Variants in GRIN2B observed in about 807,000 individuals in gnomAD.
The protein encoded by GRIN2B is glutamate ionotropic receptor NMDA type subunit 2B.
GRIN2B carries 5 observed loss-of-function variants against 114.5 expected under a neutral mutation model. The ratio of observed to expected loss-of-function variants is 0.04; its 90% CI spans 0.02 to 0.09. The LOEUF (loss-of-function observed/expected upper bound fraction) is 0.09, where lower values mean the gene tolerates loss of function less well. GRIN2B is among the 10% of genes least tolerant of loss of function. GRIN2B has a pLI of 1.00. For missense variants in GRIN2B, 1,108 were observed against 1,943.5 expected, an observed-to-expected ratio of 0.57 and a Z score of 8.08; for synonymous variants, 787 against 745.1, an observed-to-expected ratio of 1.06 and a Z score of -0.92.
intron 2 of GRIN2B, among the ~76,000 whole-genome samples, chr12:13,932,545 C>G (rs1389372578): frequency 6.6e-6 from 1 of 152,204 alleles, no homozygotes; most frequent in African/African-American, 2.4e-5. Context: ...GTAGCCATCA[C>G]ACCCAGTCAA....
chr12:13,858,177 AATGAG>A (rs1490167531), intron 3 of GRIN2B, among the ~76,000 whole-genome samples: 41 of 152,322 alleles, frequency 2.7e-4, no homozygotes, highest in African/African-American at 9.4e-4. Context: ...GAAAACATTA[AATGAG>A]ATAAAATATA....
chr12:13,617,667 C>T (rs1033652963), intron 5 of GRIN2B, among the ~76,000 whole-genome samples: 6 of 152,224 alleles, frequency 3.9e-5, no homozygotes, highest in Admixed American at 1.3e-4. Flanking sequence ...TTATGGATTG[C>T]AAGCACCTGC....
At chr12:13,838,467 T>A (rs1865317931) in intron 3 of GRIN2B, among the ~76,000 whole-genome samples, 1 of 152,194 alleles carries the variant, frequency 6.6e-6, no homozygotes, top group Non-Finnish European at 1.5e-5. Flanking sequence ...AACCTGCATT[T>A]TAAAAATAAC....
intron 2 of GRIN2B, among the ~76,000 whole-genome samples, chr12:13,974,656 C>A (rs1270556219): frequency 1.3e-5 from 2 of 152,078 alleles, no homozygotes; most frequent in East Asian, 1.9e-4. Flanking sequence ...CCTCACTCTC[C>A]CAGATTTCTC....
chr12:13,812,930 AT>A (rs34773248), intron 3 of GRIN2B, among the ~76,000 whole-genome samples: 1,257 of 118,350 alleles, frequency 0.011, 10 homozygotes, highest in African/African-American at 0.031. Flanking sequence ...AGTTTTGGGA[AT>A]TTTTTTTTTT....
intron 3 of GRIN2B, among the ~76,000 whole-genome samples, chr12:13,764,118 C>G (rs1863731563): frequency 6.7e-6 from 1 of 149,262 alleles, no homozygotes; most frequent in Non-Finnish European, 1.5e-5. Context: ...ACGAAAACTA[C>G]TTTTCTAACC....
chr12:13,621,887 A>G (rs1236595444), intron 5 of GRIN2B, among the ~76,000 whole-genome samples: 1 of 152,044 alleles, frequency 6.6e-6, no homozygotes, highest in Non-Finnish European at 1.5e-5. Flanking sequence ...ATTGGCACCA[A>G]TTAGCACCCT....
chr12:13,957,305 C>G (rs1184588090), intron 2 of GRIN2B, among the ~76,000 whole-genome samples: 1 of 152,034 alleles, frequency 6.6e-6, no homozygotes, highest in Non-Finnish European at 1.5e-5. Flanking sequence ...AAGAAAGGTA[C>G]TTAGGGCATT....
chr12:13,748,108 T>C (rs1863419705), intron 4 of GRIN2B, among the ~76,000 whole-genome samples: 1 of 152,202 alleles, frequency 6.6e-6, no homozygotes, highest in African/African-American at 2.4e-5. Flanking sequence ...GATCCAGCCT[T>C]TTAAGATGGC....
intron 2 of GRIN2B, among the ~76,000 whole-genome samples, chr12:13,976,692 C>A (rs1863026902): frequency 6.6e-6 from 1 of 151,464 alleles, no homozygotes; most frequent in Admixed American, 6.6e-5. Context: ...TTATTTATAG[C>A]CCATAAATAT....
chr12:13,795,652 G>A (rs942365515), intron 3 of GRIN2B, among the ~76,000 whole-genome samples: 1 of 152,144 alleles, frequency 6.6e-6, no homozygotes, highest in African/African-American at 2.4e-5. Flanking sequence ...TTGCAGCACT[G>A]TTCACAATAG....
In GRIN2B at chr12:13,550,492, A is replaced by G. The variant is rs914959435; in HGVS notation, c.*12291T>C. Reference sequence around the variant, plus strand: ...CAAGAGTCTCAGGAGGAATTCTGTCATAAAGAATATGTATGTATCTAAGCA... The same window carrying G: ...CAAGAGTCTCAGGAGGAATTCTGTCGTAAAGAATATGTATGTATCTAAGCA... On this transcript the variant is annotated 3_prime_UTR_variant, in exon 14 of 14. Coordinates refer to ENST00000609686, the MANE Select transcript of GRIN2B (RefSeq NM_000834.5). 6.6e-6 allele frequency: 1 copy of G among 152,224 alleles called. No individual in the cohort carries two copies. The highest frequency in any genetic ancestry group is 1.5e-5 in the Non-Finnish European group (1 of 68,040). 9.4% of individuals were successfully genotyped at this position (152,224 alleles called of 1,614,324 possible). A position where few individuals can be genotyped will look rare whatever the true frequency, so the allele number is the denominator to read the frequency against.
chr12:13,568,817 A>G (rs989485358), intron 12 of GRIN2B, among the ~76,000 whole-genome samples: 2 of 152,228 alleles, frequency 1.3e-5, no homozygotes, highest in South Asian at 2.1e-4. Flanking sequence ...GAAGACAGGA[A>G]TATAATGAAA....
At chr12:13,701,513 CAAAAAAAAAA>C (rs10536664) in intron 4 of GRIN2B, among the ~76,000 whole-genome samples, 10 of 130,782 alleles carry the variant, frequency 7.6e-5, no homozygotes, top group African/African-American at 2.8e-4. Context: ...TTCAGTGGCA[CAAAAAAAAAA>C]AAAAAAGAAA....
At chr12:13,900,537 T>G (rs1866429464) in intron 2 of GRIN2B, among the ~76,000 whole-genome samples, 1 of 152,056 alleles carries the variant, frequency 6.6e-6, no homozygotes, top group Non-Finnish European at 1.5e-5. Flanking sequence ...AGCAAATACT[T>G]CCATAACTAT....
At chr12:13,647,639 A>C (rs1388166923) in intron 5 of GRIN2B, among the ~76,000 whole-genome samples, 1 of 151,988 alleles carries the variant, frequency 6.6e-6, no homozygotes, top group Non-Finnish European at 1.5e-5. Context: ...CCCCTGAAAG[A>C]GCGGAGAGGA....
At chr12:13,784,215 C>A (rs1180668596) in intron 3 of GRIN2B, among the ~76,000 whole-genome samples, 2 of 93,494 alleles carry the variant, frequency 2.1e-5, no homozygotes, top group South Asian at 8.8e-4. Flanking sequence ...CAGAGTGAGA[C>A]TTCGCCTCAA....
chr12:13,758,414 T>A (rs538814849), intron 3 of GRIN2B, among the ~76,000 whole-genome samples: 1 of 152,306 alleles, frequency 6.6e-6, no homozygotes, highest in South Asian at 2.1e-4. Context: ...TTTCAAATAC[T>A]GAAATGACTT....
intron 10 of GRIN2B, among the ~76,000 whole-genome samples, chr12:13,605,551 T>TCTCTCTCTCTCTCTCACACACACACA: frequency 3.3e-5 from 1 of 30,446 alleles, no homozygotes; most frequent in African/African-American, 1.0e-4. Context: ...TCTCTCTCTC[T>TCTCTCTCTCTCTCTCACACACACACA]GACACACACA....
Sources: gnomAD v4.1 joint callset for allele counts (sites outside exome capture counted in the v4.1 genomes callset) on GRCh38, gnomAD v4.1.1 for gene constraint, MANE v1.5 for transcripts, NCBI Gene and HGNC (gene_info 2026-07-23, HGNC 2026-07-21) for gene names.